SYT9: variants seen among roughly 807,000 people sequenced by gnomAD.
SYT9 encodes the protein synaptotagmin 9.
A neutral mutation model predicts 48.4 loss-of-function variants in SYT9; 22 were observed. The ratio of observed to expected loss-of-function variants is 0.45; its 90% CI spans 0.32 to 0.65. SYT9 has a LOEUF of 0.65. SYT9 is among the 30% of genes least tolerant of loss of function. The pLI is 0.03. For synonymous variants in SYT9, 265 were observed against 245.0 expected, an observed-to-expected ratio of 1.08 and a Z score of -0.76; for missense variants, 577 against 622.0, an observed-to-expected ratio of 0.93 and a Z score of 0.77.
intron 3 of SYT9, among the ~76,000 whole-genome samples, chr11:7,409,009 A>G (rs1847079879): frequency 6.6e-6 from 1 of 152,112 alleles, no homozygotes; most frequent in South Asian, 2.1e-4. Flanking sequence ...TGTTCATACT[A>G]ACATTCAGTA....
intron 6 of SYT9, among the ~76,000 whole-genome samples, chr11:7,434,628 A>T (rs185789583): frequency 6.6e-6 from 1 of 152,132 alleles, no homozygotes; most frequent in Admixed American, 6.5e-5. Context: ...CATGACCCCA[A>T]AGTATGGCAG....
chr11:7,420,003 T>C (rs1847320821), intron 5 of SYT9, among the ~76,000 whole-genome samples: 1 of 152,128 alleles, frequency 6.6e-6, no homozygotes, highest in African/African-American at 2.4e-5. Context: ...GAGGGACAAG[T>C]ATAAGACAAT....
At chr11:7,419,630 C>T (rs1847312525) in intron 5 of SYT9, among the ~76,000 whole-genome samples, 1 of 152,190 alleles carries the variant, frequency 6.6e-6, no homozygotes, top group Admixed American at 6.5e-5. Flanking sequence ...GGCATGGTAT[C>T]TCACACCTGT....
chr11:7,392,253 T>C (rs1846638582), intron 3 of SYT9, among the ~76,000 whole-genome samples: 1 of 152,168 alleles, frequency 6.6e-6, no homozygotes, highest in African/African-American at 2.4e-5. Context: ...TTACATTAAA[T>C]CTTTAATATA....
Position 7,311,634 on chromosome 11 carries a change from A to G in SYT9, c.498-1761A>G, listed in dbSNP as rs1308930196. Among the ~76,000 whole-genome samples, 4 of 152,248 alleles carry G rather than the reference A, an allele frequency of 2.6e-5. No homozygotes were observed. The East Asian group carries it at 5.8e-4, about 22-fold the overall frequency. On this transcript the variant is annotated intron_variant, in intron 2 of 6. Coordinates refer to ENST00000318881, the MANE Select transcript of SYT9 (RefSeq NM_175733.4). ...CAGCACCACTTACTAGACAGTACCC[A>G]GAAGGGTGGGAACTGATGCAGGACC...
In SYT9 at chr11:7,251,957, A is replaced by C. The variant is rs1847874784; in HGVS notation, c.-230A>C. 1 of 428,670 alleles carries C rather than the reference A, an allele frequency of 2.3e-6. No individual in the cohort carries two copies. Among genetic ancestry groups the C allele is most frequent in the Non-Finnish European group, 4.1e-6 (1 of 244,912 alleles). The allele number at this position is 428,670 out of a possible 1,614,324, so 26.6% of individuals were successfully genotyped here. ...TCGGTGTCTGGGGAGGGACGGAGGGACCGGGCGGGAGAGAGAGAAAGCCTG... is the reference window on the plus strand; with the variant it reads ...TCGGTGTCTGGGGAGGGACGGAGGGCCCGGGCGGGAGAGAGAGAAAGCCTG... On this transcript the variant is annotated 5_prime_UTR_variant, in exon 1 of 7. Transcript: ENST00000318881.
intron 3 of SYT9, among the ~76,000 whole-genome samples, chr11:7,374,726 A>C (rs893921535): frequency 6.6e-6 from 1 of 152,146 alleles, no homozygotes; most frequent in Non-Finnish European, 1.5e-5. Context: ...TTCTTTTGAG[A>C]AGTGTCTGTT....
chr11:7,264,853 G>A (rs1433004947), intron 1 of SYT9, among the ~76,000 whole-genome samples: 1 of 152,134 alleles, frequency 6.6e-6, no homozygotes, highest in Non-Finnish European at 1.5e-5. Flanking sequence ...GTGACAGTAA[G>A]CGAGCAACTG....
Position 7,313,876 on chromosome 11 carries a change from T to G in SYT9, c.979T>G (p.Phe327Val), listed in dbSNP as rs1849193081. The G allele has an allele frequency of 6.2e-6, 10 of 1,614,152 alleles. No homozygotes were observed. The highest frequency in any genetic ancestry group is 8.5e-6 in the Non-Finnish European group (10 of 1,179,998). Residue 327 changes from phenylalanine (F) to valine (V), a missense_variant, in exon 3 of 7, where the codon TTC (phenylalanine) becomes GTC (valine). Physicochemically the swap from Phe to Val is conservative, Grantham distance 50. Coordinates refer to ENST00000318881, the MANE Select transcript of SYT9 (RefSeq NM_175733.4). Reference protein sequence around the residue: ...DLIGQVVVDHFLDLADFPREC... With the variant: ...DLIGQVVVDHVLDLADFPREC... ...AATCGGCCAAGTGGTGGTGGATCAC[T>G]TCCTAGACTTGGCTGATTTCCCCAG...
chr11:7,297,411 C>G (rs1045253674), intron 1 of SYT9, among the ~76,000 whole-genome samples: 9 of 152,162 alleles, frequency 5.9e-5, no homozygotes, highest in African/African-American at 1.9e-4. Flanking sequence ...TTGACTATTT[C>G]TGTATGTATT....
At chr11:7,362,521 T>C (rs947999153) in intron 3 of SYT9, among the ~76,000 whole-genome samples, 1 of 152,198 alleles carries the variant, frequency 6.6e-6, no homozygotes, top group Admixed American at 6.5e-5. Context: ...TGAATATTTT[T>C]AACTGGGCCC....
chr11:7,390,690 A>G (rs899430525), intron 3 of SYT9, among the ~76,000 whole-genome samples: 1 of 152,200 alleles, frequency 6.6e-6, no homozygotes, highest in African/African-American at 2.4e-5. Context: ...AGTGCATTTG[A>G]GCACAAATAA....
intron 6 of SYT9, among the ~76,000 whole-genome samples, chr11:7,451,628 A>C (rs1309420304): frequency 1.3e-5 from 2 of 152,136 alleles, no homozygotes; most frequent in Non-Finnish European, 2.9e-5. Flanking sequence ...ACATTCAGGG[A>C]TTGGTTCGGG....
chr11:7,452,860 A>G (rs780380464), intron 6 of SYT9, among the ~76,000 whole-genome samples: 2 of 152,030 alleles, frequency 1.3e-5, no homozygotes, highest in African/African-American at 2.4e-5. Context: ...TCGGCTCACC[A>G]CAACCTCCGC....
At chr11:7,347,988 G>T (rs1370610205) in intron 3 of SYT9, among the ~76,000 whole-genome samples, 2 of 152,186 alleles carry the variant, frequency 1.3e-5, no homozygotes, top group Non-Finnish European at 2.9e-5. Flanking sequence ...ATTTCCCTCT[G>T]TTCCTGGAGG....
At chr11:7,381,614 G>C (rs2134046337) in intron 3 of SYT9, among the ~76,000 whole-genome samples, 1 of 152,308 alleles carries the variant, frequency 6.6e-6, no homozygotes, top group East Asian at 1.9e-4. Context: ...TCACAGAAGA[G>C]AGTGTCTGCC....
At chr11:7,359,009 C>G (rs1294938185) in intron 3 of SYT9, among the ~76,000 whole-genome samples, 1 of 151,806 alleles carries the variant, frequency 6.6e-6, no homozygotes, top group Admixed American at 6.6e-5. Context: ...CCTCCCCTCA[C>G]CCCACAACAG....
intron 6 of SYT9, among the ~76,000 whole-genome samples, chr11:7,465,106 C>CT (rs1428195329): frequency 1.3e-5 from 2 of 151,748 alleles, no homozygotes; most frequent in African/African-American, 4.9e-5. Context: ...GAAAGTAGAG[C>CT]TATTTGGATG....
At chr11:7,284,867 G>A (rs1330984375) in intron 1 of SYT9, among the ~76,000 whole-genome samples, 1 of 152,006 alleles carries the variant, frequency 6.6e-6, no homozygotes. Context: ...TATTCTTAGT[G>A]TCTTCAAAGA....
Sources: allele counts gnomAD v4.1 joint callset (sites outside exome capture counted in the v4.1 genomes callset), GRCh38; gene constraint gnomAD v4.1.1; transcripts MANE v1.5; gene names NCBI Gene and HGNC (gene_info 2026-07-23, HGNC 2026-07-21).